Variants in DIAPH1 observed in about 807,000 individuals in gnomAD.
DIAPH1 encodes the protein diaphanous related formin 1, also known as protein diaphanous homolog 1.
In DIAPH1, 46 loss-of-function variants were observed where a neutral mutation model predicts 140.7. That is an observed-to-expected ratio of 0.33 (90% CI 0.26 to 0.42). The LOEUF (loss-of-function observed/expected upper bound fraction) is 0.42, where lower values mean the gene tolerates loss of function less well. Among genes scored for constraint, DIAPH1 ranks in the 10% least tolerant of loss-of-function variants. The pLI, the probability that DIAPH1 is intolerant of heterozygous loss-of-function variation, is 1.00. For synonymous variants in DIAPH1, 565 were observed against 551.6 expected, an observed-to-expected ratio of 1.02 and a Z score of -0.34; for missense variants, 1,310 against 1,558.7, an observed-to-expected ratio of 0.84 and a Z score of 2.69.
chr5:141,604,984 T>C (rs2099900711), intron 1 of DIAPH1, among the ~76,000 whole-genome samples: 1 of 152,222 alleles, frequency 6.6e-6, no homozygotes, highest in African/African-American at 2.4e-5. Flanking sequence ...CAATTGTACT[T>C]GTGTTGAACT....
intron 7 of DIAPH1, 59 bp downstream of exon 7, chr5:141,582,253 T>C (rs1474880154): frequency 3.6e-5 from 46 of 1,286,468 alleles, no homozygotes; most frequent in East Asian, 2.5e-4. Flanking sequence ...GGTTTGCCAA[T>C]AGAAGAGAAA....
chr5:141,526,224 C>A, intron 25 of DIAPH1, 51 bp from the exon 26 acceptor site: 1 of 1,614,072 alleles, frequency 6.2e-7, no homozygotes, highest in Non-Finnish European at 8.5e-7. Context: ...ATACCTACTA[C>A]CAGCCAACAG....
chr5:141,578,103 A>G, intron 11 of DIAPH1, 122 bp downstream of exon 11: 1 of 814,600 alleles, frequency 1.2e-6, no homozygotes, highest in Non-Finnish European at 2.2e-6. Flanking sequence ...ATTTAATGAG[A>G]AGACACATAA....
intron 6 of DIAPH1, among the ~76,000 whole-genome samples, 179 bp from the exon 7 acceptor site, chr5:141,582,554 C>G (rs1005198604): frequency 6.6e-6 from 1 of 152,152 alleles, no homozygotes; most frequent in Admixed American, 6.5e-5. Context: ...GGATCTTCAC[C>G]ATCAACAAAT....
chr5:141,577,446 C>G (rs1300527997), intron 12 of DIAPH1, 29 bp downstream of exon 12: 16 of 1,486,096 alleles, frequency 1.1e-5, no homozygotes, highest in African/African-American at 1.4e-5. Flanking sequence ...GGCTCAAATT[C>G]AAAACTTCTC....
rs370495662 is a variant in DIAPH1, at chr5:141,583,288, C to T, written c.538G>A (p.Val180Met). 1.2e-6 allele frequency: 2 copies of T among 1,614,118 alleles called. No homozygotes were observed. Among genetic ancestry groups the T allele is most frequent in the Admixed American group, 1.7e-5 (1 of 60,030 alleles). ...VSLNNNPVSW[V>M]QTFGAEGLAS... The stretch of plus-strand genomic sequence containing the variant: ...AAGCCTTCAGCACCAAATGTTTGCA[C>T]CCAACTGTAAGGAACAGAGAGAGGC... The change falls in exon 6 of 28, where the codon GTG (valine) becomes ATG (methionine). Residue 180 changes from valine (V) to methionine (M), a missense_variant. Transcript: ENST00000389054.
chr5:141,584,123 C>T lies in DIAPH1; in HGVS notation c.402+1G>A. On this transcript the variant is annotated splice_donor_variant, in intron 4 of 27. Transcript: ENST00000389054. LOFTEE classifies it high-confidence loss of function. ...TCATGGGTACCTGTCCCAGGACTCA[C>T]AGCCTTGGAGGTGTACAAGTATTGG... 6.3e-7 allele frequency: 1 copy of T among 1,592,546 alleles called. No individual in the cohort carries two copies. Among genetic ancestry groups the T allele is most frequent in the Non-Finnish European group, 8.6e-7 (1 of 1,160,752 alleles).
chr5:141,549,388 T>G (rs2099891351), intron 18 of DIAPH1, among the ~76,000 whole-genome samples: 1 of 152,064 alleles, frequency 6.6e-6, no homozygotes, highest in Non-Finnish European at 1.5e-5. Flanking sequence ...AGTTTTAAAA[T>G]ATATAAAGTT....
At position 141,584,148 on chromosome 5, in the gene DIAPH1, G is replaced by C. The variant is rs948419887; in HGVS notation, c.378C>G (p.Ser126=). 4 of 1,611,798 alleles carry C rather than the reference G, an allele frequency of 2.5e-6. No homozygotes were observed. The African/African-American group carries it at 5.3e-5, about 22-fold the overall frequency. ...KDIIIKREMV[S]QYLYTSKAGM... ...CAGCCTTGGAGGTGTACAAGTATTG[G>C]GACACCATCTCCCTCTTGATGATGA... Residue 126 remains serine, a synonymous_variant, in exon 4 of 28, where the codon TCC becomes TCG. Transcript: ENST00000389054.
chr5:141,561,812 A>G (rs1420745655), intron 18 of DIAPH1: 2 of 152,258 alleles, frequency 1.3e-5, no homozygotes, highest in Non-Finnish European at 2.9e-5. Flanking sequence ...GCAATGGGCG[A>G]GAGTTCTAAT....
intron 1 of DIAPH1, among the ~76,000 whole-genome samples, chr5:141,614,654 G>T (rs1056945151): frequency 6.6e-6 from 1 of 152,044 alleles, no homozygotes; most frequent in Non-Finnish European, 1.5e-5. Flanking sequence ...AAAAGTACAG[G>T]TAACCATACC....
intron 1 of DIAPH1, among the ~76,000 whole-genome samples, chr5:141,612,307 C>T (rs1249788100): frequency 1.3e-5 from 2 of 152,174 alleles, no homozygotes; most frequent in Non-Finnish European, 2.9e-5. Context: ...CTCATGGGTA[C>T]TTACCCAAGA....
intron 26 of DIAPH1, chr5:141,524,566 T>C (rs181632491): frequency 6.7e-5 from 26 of 386,174 alleles, no homozygotes; most frequent in African/African-American, 3.3e-4. Flanking sequence ...GAGACTACGA[T>C]TGTGAAATTA....
intron 18 of DIAPH1, among the ~76,000 whole-genome samples, chr5:141,568,680 G>A (rs933853839): frequency 2.6e-5 from 4 of 152,204 alleles, no homozygotes; most frequent in African/African-American, 9.6e-5. Context: ...CAAATGTGCA[G>A]AGTGAGGCAG....
At chr5:141,566,926 A>C (rs112647971) in intron 18 of DIAPH1, among the ~76,000 whole-genome samples, 4 of 147,564 alleles carry the variant, frequency 2.7e-5, no homozygotes, top group African/African-American at 1.0e-4. Flanking sequence ...AAAACAAAAC[A>C]AAACCACATA....
chr5:141,589,433 G>A lies in DIAPH1; in HGVS notation c.118-1183C>T, dbSNP rs574444261. On this transcript the variant is annotated intron_variant, in intron 1 of 27. Coordinates refer to ENST00000389054, the MANE Select transcript of DIAPH1 (RefSeq NM_005219.5). ...TTAATGAAAGATGTGAACTAAAAGAGTAGCGTGGACAAATAAACTGGTATA... is the reference window on the plus strand; with the variant it reads ...TTAATGAAAGATGTGAACTAAAAGAATAGCGTGGACAAATAAACTGGTATA... Among the ~76,000 whole-genome samples the A allele has an allele frequency of 5.3e-5, 8 of 152,324 alleles. No homozygotes were observed. In the East Asian group the frequency reaches 1.5e-3, roughly 29 times the overall value.
Position 141,516,398 on chromosome 5 carries a change from T to G in DIAPH1, c.*453A>C. 1 of 223,634 alleles carries G rather than the reference T, an allele frequency of 4.5e-6. No homozygotes were observed. Among genetic ancestry groups the G allele is most frequent in the Non-Finnish European group, 9.1e-6 (1 of 110,286 alleles). 13.9% of individuals were successfully genotyped at this position (223,634 alleles called of 1,614,324 possible). On this transcript the variant is annotated 3_prime_UTR_variant, in exon 28 of 28. Coordinates refer to ENST00000389054, the MANE Select transcript of DIAPH1 (RefSeq NM_005219.5). ...GACAACAGCAATGAAAGGAGGGATC[T>G]AGCCCAAAGGTTTACAAGCCCCATG...
chr5:141,612,704 ATTATC>A (rs1269980202), intron 1 of DIAPH1, among the ~76,000 whole-genome samples: 1 of 152,210 alleles, frequency 6.6e-6, no homozygotes, highest in Non-Finnish European at 1.5e-5. Flanking sequence ...TGCTATATTC[ATTATC>A]TTGACTATAG....
At chr5:141,579,053 C>G in intron 9 of DIAPH1, 35 bp downstream of exon 9, 1 of 1,494,340 alleles carries the variant, frequency 6.7e-7, no homozygotes, top group Non-Finnish European at 9.3e-7. Context: ...ATCTTGAATT[C>G]TATTCTTGGG....
Sources: allele counts gnomAD v4.1 joint callset (sites outside exome capture counted in the v4.1 genomes callset), GRCh38; gene constraint gnomAD v4.1.1; transcripts MANE v1.5; gene names NCBI Gene and HGNC (gene_info 2026-07-23, HGNC 2026-07-21).